ARHGAP42: variants seen among roughly 807,000 people sequenced by gnomAD.
ARHGAP42 encodes Rho GTPase activating protein 42.
Under a neutral mutation model 125.0 loss-of-function variants are expected in ARHGAP42, and 63 were observed. The observed-to-expected ratio is 0.50, with a 90% CI of 0.41 to 0.62. The LOEUF is 0.62. ARHGAP42 is among the 20% of genes least tolerant of loss of function. The pLI, the probability that ARHGAP42 is intolerant of heterozygous loss-of-function variation, is 0.00. For synonymous variants in ARHGAP42, 339 were observed against 351.0 expected, an observed-to-expected ratio of 0.97 and a Z score of 0.38; for missense variants, 766 against 1,024.2, an observed-to-expected ratio of 0.75 and a Z score of 3.44.
intron 3 of ARHGAP42, among the ~76,000 whole-genome samples, chr11:100,818,329 A>G (rs1864319031): frequency 6.6e-6 from 1 of 152,206 alleles, no homozygotes. Flanking sequence ...ACAAGGGTCC[A>G]TTCTTCAGAT....
intron 17 of ARHGAP42, among the ~76,000 whole-genome samples, chr11:100,966,486 A>C (rs1221789807): frequency 6.6e-6 from 1 of 152,106 alleles, no homozygotes; most frequent in Non-Finnish European, 1.5e-5. Flanking sequence ...TTGAGACAGA[A>C]TTCCTTCTTA....
intron 17 of ARHGAP42, among the ~76,000 whole-genome samples, chr11:100,967,139 C>T (rs1160186919): frequency 6.6e-6 from 1 of 152,132 alleles, no homozygotes; most frequent in Non-Finnish European, 1.5e-5. Flanking sequence ...CACTCTTGAT[C>T]CCTGGCAACC....
chr11:100,701,143 CTTTT>C (rs200859842), intron 1 of ARHGAP42, among the ~76,000 whole-genome samples: 2 of 138,786 alleles, frequency 1.4e-5, no homozygotes, highest in Non-Finnish European at 3.1e-5. Context: ...GTAAAATGAA[CTTTT>C]TTTTTTTTTT....
chr11:100,733,392 G>C (rs779911541), intron 1 of ARHGAP42, among the ~76,000 whole-genome samples: 25 of 152,238 alleles, frequency 1.6e-4, no homozygotes, highest in Non-Finnish European at 2.6e-4. Flanking sequence ...TCTACAGTAG[G>C]GCTAAGAAAT....
chr11:100,969,437 G>A (rs747104615), intron 17 of ARHGAP42, among the ~76,000 whole-genome samples: 4 of 152,024 alleles, frequency 2.6e-5, no homozygotes, highest in Admixed American at 6.6e-5. Context: ...ATATCTTTGA[G>A]TATTTTTTTC....
chr11:100,739,206 C>T (rs1169764162), intron 1 of ARHGAP42, among the ~76,000 whole-genome samples: 1 of 149,524 alleles, frequency 6.7e-6, no homozygotes, highest in Non-Finnish European at 1.5e-5. Flanking sequence ...AACTGGTTAT[C>T]TTTTGTCTGA....
chr11:100,976,727 A>T, intron 20 of ARHGAP42, 88 bp from the exon 21 acceptor site: 1 of 1,468,764 alleles, frequency 6.8e-7, no homozygotes, highest in Non-Finnish European at 9.1e-7. Context: ...TCAGAGAAAA[A>T]TGCTTCCTTT....
chr11:100,754,892 G>A (rs1862537860), intron 1 of ARHGAP42, among the ~76,000 whole-genome samples: 1 of 152,136 alleles, frequency 6.6e-6, no homozygotes, highest in East Asian at 1.9e-4. Flanking sequence ...AAAAAGTGCT[G>A]TGCTTATCCA....
chr11:100,698,945 T>C (rs1861341106), intron 1 of ARHGAP42, among the ~76,000 whole-genome samples: 1 of 152,194 alleles, frequency 6.6e-6, no homozygotes, highest in African/African-American at 2.4e-5. Context: ...TACTTTTTTC[T>C]AGTTCCAGCT....
intron 4 of ARHGAP42, among the ~76,000 whole-genome samples, chr11:100,889,646 C>G (rs991436983): frequency 1.3e-5 from 2 of 152,162 alleles, no homozygotes; most frequent in South Asian, 4.1e-4. Context: ...GTTGGACACC[C>G]TGGTTTTCTG....
chr11:100,955,679 AGAAGTACCTT>A (rs1857784849), intron 12 of ARHGAP42, among the ~76,000 whole-genome samples: 1 of 152,150 alleles, frequency 6.6e-6, no homozygotes, highest in African/African-American at 2.4e-5. Context: ...CTGTTGCCCC[AGAAGTACCTT>A]GTCCTCCACT....
At chr11:100,988,589 C>A in intron 23 of ARHGAP42, 124 bp from the exon 24 acceptor site, 1 of 700,780 alleles carries the variant, frequency 1.4e-6, no homozygotes, top group Non-Finnish European at 2.3e-6. Flanking sequence ...CACAAGGGGT[C>A]CTGGAACTAA....
At chr11:100,960,863 A>G in intron 13 of ARHGAP42, 52 bp from the exon 14 acceptor site, 1 of 1,236,374 alleles carries the variant, frequency 8.1e-7, no homozygotes, top group Non-Finnish European at 1.1e-6. Context: ...AACATTCTGT[A>G]CTTGCCAAGC....
At chr11:100,724,771 G>A (rs1451864217) in intron 1 of ARHGAP42, among the ~76,000 whole-genome samples, 1 of 151,122 alleles carries the variant, frequency 6.6e-6, no homozygotes, top group Non-Finnish European at 1.5e-5. Context: ...TGGTTTCATT[G>A]ATTTTTTTTT....
chr11:100,746,169 CTGAT>C (rs200141971), intron 1 of ARHGAP42, among the ~76,000 whole-genome samples: 3,950 of 152,278 alleles, frequency 0.026, 66 homozygotes, highest in Non-Finnish European at 0.031. Flanking sequence ...TAAGGGCTGA[CTGAT>C]TGATAAGCTC....
chr11:100,835,331 C>T (rs905125527), intron 3 of ARHGAP42, among the ~76,000 whole-genome samples: 3 of 152,134 alleles, frequency 2.0e-5, no homozygotes, highest in African/African-American at 7.2e-5. Context: ...GTTATACATG[C>T]ACGTCGTAAT....
chr11:100,814,595 G>A (rs1274811948), intron 3 of ARHGAP42, among the ~76,000 whole-genome samples: 2 of 152,152 alleles, frequency 1.3e-5, no homozygotes, highest in African/African-American at 4.8e-5. Context: ...TCTGCTTCTG[G>A]GGAGTCCTCA....
At chr11:100,930,793 A>G (rs760068531) in intron 6 of ARHGAP42, among the ~76,000 whole-genome samples, 3 of 152,188 alleles carry the variant, frequency 2.0e-5, no homozygotes, top group Non-Finnish European at 2.9e-5. Flanking sequence ...GACGACCCAC[A>G]TGTGGTTCAG....
At chr11:100,902,921 T>G (rs1866591103) in intron 4 of ARHGAP42, among the ~76,000 whole-genome samples, 1 of 152,154 alleles carries the variant, frequency 6.6e-6, no homozygotes, top group South Asian at 2.1e-4. Flanking sequence ...AGATAAATCT[T>G]GCTTCTTGCT....
Sources: gnomAD v4.1 joint callset for allele counts (sites outside exome capture counted in the v4.1 genomes callset) on GRCh38, gnomAD v4.1.1 for gene constraint, MANE v1.5 for transcripts, NCBI Gene and HGNC (gene_info 2026-07-23, HGNC 2026-07-21) for gene names.